ADGRL2: variants seen among roughly 807,000 people sequenced by gnomAD.
ADGRL2 encodes adhesion G protein-coupled receptor L2, also known as calcium-independent alpha-latrotoxin receptor 2.
Under a neutral mutation model 157.4 loss-of-function variants are expected in ADGRL2, and 44 were observed. The ratio of observed to expected loss-of-function variants is 0.28; its 90% CI spans 0.22 to 0.36. The LOEUF (loss-of-function observed/expected upper bound fraction) is 0.36, where lower values mean the gene tolerates loss of function less well. Among genes scored for constraint, ADGRL2 ranks in the 10% least tolerant of loss-of-function variants. The probability of loss-of-function intolerance (pLI) is 1.00; values close to 1 mark genes in which losing one functional copy is unlikely to be tolerated. For synonymous variants in ADGRL2, 585 were observed against 624.7 expected, an observed-to-expected ratio of 0.94 and a Z score of 0.95; for missense variants, 1,510 against 1,768.9, an observed-to-expected ratio of 0.85 and a Z score of 2.63.
intron 1 of ADGRL2, among the ~76,000 whole-genome samples, chr1:81,816,149 C>T (rs1400972787): frequency 6.6e-6 from 1 of 151,798 alleles, no homozygotes; most frequent in South Asian, 2.1e-4. Flanking sequence ...CTGTGAAAAT[C>T]AAGAGGAGCA....
chr1:81,893,391 A>T (rs1251684798), intron 2 of ADGRL2, among the ~76,000 whole-genome samples: 2 of 151,822 alleles, frequency 1.3e-5, no homozygotes, highest in East Asian at 3.9e-4. Flanking sequence ...TTAAGGATGA[A>T]ATTAAAACTA....
At chr1:81,596,457 A>C in intron 3 of ADGRL2, 1 of 451,728 alleles carries the variant, frequency 2.2e-6, no homozygotes, top group South Asian at 1.8e-5. Flanking sequence ...AATTCAGTGA[A>C]TTGTCACCTC....
chr1:81,790,296 C>T (rs779463858), intron 2 of ADGRL2, among the ~76,000 whole-genome samples: 3 of 152,068 alleles, frequency 2.0e-5, no homozygotes, highest in Non-Finnish European at 4.4e-5. Flanking sequence ...AAAACACACA[C>T]TCAACAGGAT....
chr1:81,939,886 CT>C (rs1647259238), intron 4 of ADGRL2, among the ~76,000 whole-genome samples: 1 of 151,100 alleles, frequency 6.6e-6, no homozygotes, highest in African/African-American at 2.4e-5. Context: ...CAATGTTTTC[CT>C]TATGTGATTC....
intron 1 of ADGRL2, among the ~76,000 whole-genome samples, chr1:81,400,807 G>T (rs1454484078): frequency 1.3e-5 from 2 of 152,080 alleles, no homozygotes; most frequent in Non-Finnish European, 2.9e-5. Flanking sequence ...TTCAGACTCT[G>T]GGAAGCGGGT....
chr1:81,519,789 T>C (rs72946993), intron 2 of ADGRL2, among the ~76,000 whole-genome samples: 1,954 of 152,270 alleles, frequency 0.013, 35 homozygotes, highest in African/African-American at 0.044. Flanking sequence ...CCTTCAACCT[T>C]TCTTGCTTCT....
intron 2 of ADGRL2, among the ~76,000 whole-genome samples, chr1:81,569,139 T>C (rs1360127325): frequency 1.3e-5 from 2 of 152,188 alleles, no homozygotes. Context: ...TCAGTTCTAA[T>C]AATAATTAAA....
chr1:81,809,480 T>G lies in ADGRL2; in HGVS notation c.-101+8412T>G, dbSNP rs965103996. Among the ~76,000 whole-genome samples the G allele has an allele frequency of 4.6e-5, 7 of 152,108 alleles. 1 individual carries two copies. The highest frequency in any genetic ancestry group is 4.6e-4 in the Admixed American group (7 of 15,246). ...CTTGGCTATGAGAGATGGGAGAAGTTGAAAAGATGGTTAACTTTAGACTTA... is the reference window on the plus strand; with the variant it reads ...CTTGGCTATGAGAGATGGGAGAAGTGGAAAAGATGGTTAACTTTAGACTTA... On this transcript the variant is annotated intron_variant, in intron 1 of 23. Transcript: ENST00000686636.
At chr1:81,952,558 G>T (rs760851258) in intron 9 of ADGRL2, among the ~76,000 whole-genome samples, 2 of 152,086 alleles carry the variant, frequency 1.3e-5, no homozygotes, top group Non-Finnish European at 2.9e-5. Context: ...TTCAATGGCA[G>T]CTTTTGGAAG....
intron 1 of ADGRL2, among the ~76,000 whole-genome samples, chr1:81,405,276 A>C (rs1181026730): frequency 2.0e-5 from 3 of 152,210 alleles, no homozygotes. Context: ...GGGAAGAATG[A>C]AGTCTTTTTT....
intron 17 of ADGRL2, among the ~76,000 whole-genome samples, chr1:81,979,322 G>A (rs1263593713): frequency 1.3e-5 from 2 of 151,706 alleles, no homozygotes; most frequent in Admixed American, 6.6e-5. Context: ...CAGTTAAATG[G>A]CAAAACATAC....
intron 2 of ADGRL2, among the ~76,000 whole-genome samples, chr1:81,540,471 C>T (rs1219634961): frequency 1.3e-5 from 2 of 152,166 alleles, no homozygotes; most frequent in Non-Finnish European, 2.9e-5. Context: ...AATGGAAATG[C>T]ATAGCAAGTG....
chr1:81,921,159 A>C (rs2148601479), intron 3 of ADGRL2, among the ~76,000 whole-genome samples: 1 of 152,306 alleles, frequency 6.6e-6, no homozygotes, highest in South Asian at 2.1e-4. Flanking sequence ...AGCAGCGACA[A>C]GTTATTCTAG....
intron 3 of ADGRL2, among the ~76,000 whole-genome samples, chr1:81,653,882 T>TA (rs1010804083): frequency 1.3e-5 from 2 of 151,918 alleles, no homozygotes; most frequent in Admixed American, 1.3e-4. Context: ...ACTCTACCTG[T>TA]AAAAAAAATA....
rs1270669172 is a variant in ADGRL2, at chr1:81,869,580, T to C, written c.73+32523T>C. The stretch of plus-strand genomic sequence containing the variant: ...ACATCATGATAGGAAAGTACTAATA[T>C]ATGTGTATAGTTTGAATACTTTAGT... On this transcript the variant is annotated intron_variant, in intron 2 of 23. Coordinates refer to ENST00000686636, the MANE Select transcript of ADGRL2 (RefSeq NM_001366006.2). Among the ~76,000 whole-genome samples the C allele has an allele frequency of 2.6e-5, 4 of 152,218 alleles. No individual in the cohort carries two copies. The Middle Eastern group carries it at 0.01, about 388-fold the overall frequency.
intron 1 of ADGRL2, among the ~76,000 whole-genome samples, chr1:81,711,643 T>C (rs1043992835): frequency 5.3e-5 from 8 of 152,222 alleles, no homozygotes; most frequent in African/African-American, 1.9e-4. Context: ...AATATGACTA[T>C]AGTGCTACAT....
At chr1:81,622,396 C>A (rs12121618) in intron 3 of ADGRL2, among the ~76,000 whole-genome samples, 27,869 of 151,764 alleles carry the variant, frequency 0.18, 2,777 homozygotes, top group East Asian at 0.35. Flanking sequence ...TCCTGGCCAA[C>A]GTGGTGAAAC....
At chr1:81,492,085 T>G (rs2078645278) in intron 2 of ADGRL2, among the ~76,000 whole-genome samples, 1 of 152,194 alleles carries the variant, frequency 6.6e-6, no homozygotes, top group South Asian at 2.1e-4. Context: ...TAATTTTGTT[T>G]AAAAAGGAGT....
intron 1 of ADGRL2, among the ~76,000 whole-genome samples, chr1:81,421,949 T>A (rs2077132730): frequency 6.6e-6 from 1 of 152,206 alleles, no homozygotes; most frequent in Non-Finnish European, 1.5e-5. Context: ...ACATACTACC[T>A]CTATATACCA....
Sources: gnomAD v4.1 joint callset for allele counts (sites outside exome capture counted in the v4.1 genomes callset) on GRCh38, gnomAD v4.1.1 for gene constraint, MANE v1.5 for transcripts, NCBI Gene and HGNC (gene_info 2026-07-23, HGNC 2026-07-21) for gene names.